TVP23B: variants seen among roughly 807,000 people sequenced by gnomAD.
TVP23B encodes the protein Golgi apparatus membrane protein TVP23 homolog B.
In TVP23B, 10 loss-of-function variants were observed where a neutral mutation model predicts 30.6. The ratio of observed to expected loss-of-function variants is 0.33; its 90% CI spans 0.20 to 0.55. TVP23B has a LOEUF of 0.55. Ranked by LOEUF, TVP23B falls within the 20% of genes least tolerant of loss-of-function variation. The pLI, the probability that TVP23B is intolerant of heterozygous loss-of-function variation, is 0.91. For missense variants in TVP23B, 153 were observed against 243.2 expected (o/e 0.63, Z 2.47); for synonymous variants, 67 against 83.1 (o/e 0.81, Z 1.06).
chr17:18,803,178 G>A (rs1475224673), intron 5 of TVP23B, among the ~76,000 whole-genome samples: 2 of 151,988 alleles, frequency 1.3e-5, no homozygotes, highest in Non-Finnish European at 2.9e-5. Flanking sequence ...TAGAATGGTC[G>A]ATGAGCTGTT....
rs1392535348 is a variant in TVP23B, at chr17:18,798,298, T to C, written c.331-514T>C. On this transcript the variant is annotated intron_variant, in intron 4 of 6. Transcript: ENST00000307767. ...AAAGTGGCACTGTGTTCAATGAGCC[T>C]GTATTCTTTTATATTATAGAATCTA... Among the ~76,000 whole-genome samples, 3 of 152,334 alleles carry C rather than the reference T, an allele frequency of 2.0e-5. No individual in the cohort carries two copies. In the East Asian group the frequency reaches 5.8e-4, roughly 29 times the overall value.
In TVP23B at chr17:18,805,701, A is replaced by C. The variant is rs1178496162; in HGVS notation, c.*134A>C. 9 of 1,478,282 alleles carry C rather than the reference A, an allele frequency of 6.1e-6. No individual in the cohort carries two copies. The highest frequency in any genetic ancestry group is 2.6e-5 in the Admixed American group (1 of 38,888). The allele number at this position is 1,478,282 out of a possible 1,614,324, so 91.6% of individuals were successfully genotyped here. A position where few individuals can be genotyped will look rare whatever the true frequency, so the allele number is the denominator to read the frequency against. On this transcript the variant is annotated 3_prime_UTR_variant, in exon 7 of 7. Transcript: ENST00000307767. The stretch of plus-strand genomic sequence containing the variant: ...TTCCACTTAAAAACTTTATTTATAA[A>C]AAGGAAAAGTAGTTTTCATATTAAG...
At chr17:18,792,980 G>A (rs1215644289) in intron 3 of TVP23B, among the ~76,000 whole-genome samples, 1 of 152,020 alleles carries the variant, frequency 6.6e-6, no homozygotes, top group African/African-American at 2.4e-5. Flanking sequence ...GGGCCACAGT[G>A]GAAGAAAGAA....
At chr17:18,797,981 C>A (rs1392444613) in intron 4 of TVP23B, among the ~76,000 whole-genome samples, 2 of 150,802 alleles carry the variant, frequency 1.3e-5, no homozygotes, top group Admixed American at 6.6e-5. Flanking sequence ...TCCATAAATC[C>A]CTCTATGCTC....
At position 18,805,687 on chromosome 17, in the gene TVP23B, A is replaced by T. The variant is rs2036240881; in HGVS notation, c.*120A>T. ...TGTTGGCTTTGTTTTTCCACTTAAA[A>T]ACTTTATTTATAAAAAGGAAAAGTA... is the stretch of plus-strand genomic sequence containing the variant. On this transcript the variant is annotated 3_prime_UTR_variant, in exon 7 of 7. Transcript: ENST00000307767. 6.7e-7 allele frequency: 1 copy of T among 1,490,644 alleles called. No individual in the cohort carries two copies. Among genetic ancestry groups the T allele is most frequent in the African/African-American group, 1.5e-5 (1 of 68,674 alleles). 92.3% of individuals were successfully genotyped at this position (1,490,644 alleles called of 1,614,324 possible).
intron 5 of TVP23B, among the ~76,000 whole-genome samples, chr17:18,800,573 A>G (rs890139861): frequency 6.6e-6 from 1 of 151,770 alleles, no homozygotes; most frequent in Non-Finnish European, 1.5e-5. Flanking sequence ...CTTTCACTGA[A>G]TATCTTGGAG....
At chr17:18,800,766 C>A (rs2036150840) in intron 5 of TVP23B, among the ~76,000 whole-genome samples, 2 of 152,204 alleles carry the variant, frequency 1.3e-5, no homozygotes, top group South Asian at 2.1e-4. Context: ...TCTGTTAAAT[C>A]TTTGCATTTA....
rs865938075 is a variant in TVP23B, at chr17:18,790,481, A to G, written c.96-415A>G. On this transcript the variant is annotated intron_variant, in intron 2 of 6. Transcript: ENST00000307767. ...TCCGTCTCAAAAAAAAAAAAAAAAG[A>G]AAAGAAAGAAAGAAACAAACTACCT... Among the ~76,000 whole-genome samples, 3 of 28,472 alleles carry G rather than the reference A, an allele frequency of 1.1e-4. No individual in the cohort carries two copies. In the South Asian group the frequency reaches 2.8e-3, roughly 26 times the overall value. 18.7% of individuals were successfully genotyped at this position (28,472 alleles called of 152,430 possible).
intron 1 of TVP23B, among the ~76,000 whole-genome samples, chr17:18,783,860 A>C (rs1389976632): frequency 1.3e-5 from 2 of 152,172 alleles, no homozygotes; most frequent in African/African-American, 4.8e-5. Context: ...AAAAAATGAA[A>C]ACTTGGCCGG....
At chr17:18,790,441 GCGACGGA>G (rs2035972918) in intron 2 of TVP23B, among the ~76,000 whole-genome samples, 1 of 145,654 alleles carries the variant, frequency 6.9e-6, no homozygotes, top group South Asian at 2.2e-4. Context: ...TCCAGCCTGG[GCGACGGA>G]GCGAGACTCC....
intron 6 of TVP23B, among the ~76,000 whole-genome samples, chr17:18,805,277 G>A (rs1399391738): frequency 3.3e-5 from 5 of 151,466 alleles, no homozygotes; most frequent in Non-Finnish European, 7.4e-5. Context: ...GTAGAGACGG[G>A]GTTTCACCGT....
intron 1 of TVP23B, 30 bp from the exon 2 acceptor site, chr17:18,789,323 T>A (rs754267689): frequency 8.7e-6 from 14 of 1,613,840 alleles, no homozygotes; most frequent in Non-Finnish European, 1.2e-5. Context: ...AATTTTGTTT[T>A]GCTTCTTGAC....
chr17:18,804,144 G>T lies in TVP23B; in HGVS notation c.469G>T (p.Val157Phe), dbSNP rs368082151. 10 of 1,613,792 alleles carry T rather than the reference G, an allele frequency of 6.2e-6. No individual in the cohort carries two copies. Among genetic ancestry groups the T allele is most frequent in the African/African-American group, 1.3e-5 (1 of 74,902 alleles). The change falls in exon 6 of 7, where the codon GTT becomes TTT. Residue 157 changes from valine to phenylalanine, a missense_variant. Physicochemically the swap from Val to Phe is conservative, Grantham distance 50. This residue lies in a region of TVP23B where 62 missense variants were observed against 74.3 expected (regional missense o/e 0.83). Transcript: ENST00000307767. ...FSFRVKWLAV[V>F]IMGVVLQGAN... is the part of the protein sequence containing the mutation. The stretch of plus-strand genomic sequence containing the variant: ...ATTTTTTCCCTTGTCCCAGGCGGTG[G>T]TTATCATGGGTGTGGTGCTACAAGG...
At chr17:18,793,976 T>C (rs930893275) in intron 3 of TVP23B, among the ~76,000 whole-genome samples, 1 of 151,888 alleles carries the variant, frequency 6.6e-6, no homozygotes, top group Non-Finnish European at 1.5e-5. Context: ...AGATGAGATA[T>C]GGATCAGAGT....
At chr17:18,803,046 A>G (rs2036192278) in intron 5 of TVP23B, among the ~76,000 whole-genome samples, 1 of 152,228 alleles carries the variant, frequency 6.6e-6, no homozygotes, top group East Asian at 1.9e-4. Flanking sequence ...TTAATCAAAC[A>G]TTTAAATCTA....
chr17:18,791,235 A>G (rs559327015), intron 3 of TVP23B, among the ~76,000 whole-genome samples, 195 bp downstream of exon 3: 183 of 135,964 alleles, frequency 1.3e-3, no homozygotes, highest in Non-Finnish European at 2.4e-3. Context: ...TTGACAATAC[A>G]AGATGAGACA....
intron 1 of TVP23B, among the ~76,000 whole-genome samples, chr17:18,788,330 C>CAAAAAAAAAA (rs961283447): frequency 3.0e-5 from 2 of 67,340 alleles, no homozygotes; most frequent in Non-Finnish European, 5.4e-5. Context: ...GACTCCATCT[C>CAAAAAAAAAA]AAAAAAAAAA....
At position 18,798,935 on chromosome 17, in the gene TVP23B, A is replaced by G; in HGVS notation, c.454A>G (p.Lys152Glu). ...TAGTGCACTCTTCTCCTTCAGAGTA[A>G]AGTGGTTGGTGAGTATCAGTGTAGA... Reference protein sequence around the residue: ...AFSALFSFRVKWLAVVIMGVV... With the variant: ...AFSALFSFRVEWLAVVIMGVV... The change falls in exon 5 of 7, where the codon AAG becomes GAG. Residue 152 changes from lysine to glutamate, a missense_variant. Physicochemically the swap from Lys to Glu is moderately conservative, Grantham distance 56. Transcript: ENST00000307767. 1 of 1,612,742 alleles carries G rather than the reference A, an allele frequency of 6.2e-7. No homozygotes were observed. Among genetic ancestry groups the G allele is most frequent in the East Asian group, 2.2e-5 (1 of 44,812 alleles).
chr17:18,787,565 G>A (rs905489062), intron 1 of TVP23B, among the ~76,000 whole-genome samples: 1 of 152,136 alleles, frequency 6.6e-6, no homozygotes, highest in African/African-American at 2.4e-5. Flanking sequence ...CAGGTTTTCA[G>A]CTATTTCAGT....
Sources: allele counts gnomAD v4.1 joint callset (sites outside exome capture counted in the v4.1 genomes callset), GRCh38; gene constraint gnomAD v4.1.1; regional missense constraint gnomAD v4.1.1; transcripts MANE v1.5; gene names NCBI Gene and HGNC (gene_info 2026-07-23, HGNC 2026-07-21).